SLC9A9: variants seen among roughly 807,000 people sequenced by gnomAD.
SLC9A9 encodes the protein solute carrier family 9 member A9, also known as sodium/hydrogen exchanger 9.
SLC9A9 carries 62 observed loss-of-function variants against 77.8 expected under a neutral mutation model. The observed-to-expected ratio is 0.80, with a 90% CI of 0.65 to 0.98. The LOEUF is 0.98. Ranked by LOEUF, SLC9A9 falls within the 50% of genes least tolerant of loss-of-function variation. SLC9A9 has a pLI of 0.00. For missense variants in SLC9A9, 775 were observed against 774.9 expected, an observed-to-expected ratio of 1.00 and a Z score of 0.00; for synonymous variants, 320 against 283.5, an observed-to-expected ratio of 1.13 and a Z score of -1.29.
intron 14 of SLC9A9, among the ~76,000 whole-genome samples, chr3:143,310,745 C>T (rs1342420190): frequency 6.6e-6 from 1 of 152,088 alleles, no homozygotes. Flanking sequence ...ATGAGAACTG[C>T]CGTAACCAGA....
At chr3:143,493,556 G>C in intron 11 of SLC9A9, 97 bp downstream of exon 11, 1 of 1,070,034 alleles carries the variant, frequency 9.3e-7, no homozygotes, top group Non-Finnish European at 1.4e-6. Flanking sequence ...AAGAGAAGTT[G>C]TTTCCCCAAA....
chr3:143,377,774 G>T (rs1157167184), intron 13 of SLC9A9, among the ~76,000 whole-genome samples: 2 of 152,154 alleles, frequency 1.3e-5, no homozygotes, highest in Non-Finnish European at 2.9e-5. Context: ...ACCATCAAGG[G>T]TGTCTATCAC....
chr3:143,687,564 C>A (rs73007459), intron 5 of SLC9A9, among the ~76,000 whole-genome samples: 16 of 151,930 alleles, frequency 1.1e-4, no homozygotes, highest in Non-Finnish European at 2.1e-4. Flanking sequence ...GAGGTTGGAA[C>A]CTCAGAATAT....
intron 14 of SLC9A9, among the ~76,000 whole-genome samples, chr3:143,286,468 A>G (rs1938384492): frequency 6.6e-6 from 1 of 152,184 alleles, no homozygotes; most frequent in African/African-American, 2.4e-5. Context: ...GAGCTCTTGG[A>G]ATAAATCTGA....
intron 4 of SLC9A9, among the ~76,000 whole-genome samples, chr3:143,777,716 CTTT>C (rs34103558): frequency 8.8e-5 from 12 of 135,940 alleles, no homozygotes; most frequent in South Asian, 2.4e-4. Flanking sequence ...GTCACTGATA[CTTT>C]TTTTTTTTTT....
intron 4 of SLC9A9, among the ~76,000 whole-genome samples, chr3:143,748,458 T>C (rs1487680202): frequency 6.6e-6 from 1 of 152,194 alleles, no homozygotes; most frequent in Non-Finnish European, 1.5e-5. Context: ...GGTTTCCAAC[T>C]ATTAATATTT....
intron 6 of SLC9A9, among the ~76,000 whole-genome samples, chr3:143,594,587 G>C (rs865817963): frequency 9.2e-5 from 14 of 152,272 alleles, no homozygotes; most frequent in Middle Eastern, 6.8e-3. Flanking sequence ...CCCACCCAGA[G>C]AACTGTATGT....
At chr3:143,574,972 C>A (rs1559974974) in intron 7 of SLC9A9, among the ~76,000 whole-genome samples, 1 of 152,062 alleles carries the variant, frequency 6.6e-6, no homozygotes, top group Non-Finnish European at 1.5e-5. Context: ...GAGATGTGAT[C>A]GTGTTGCATT....
At chr3:143,353,015 A>T (rs1387371248) in intron 14 of SLC9A9, among the ~76,000 whole-genome samples, 1 of 152,200 alleles carries the variant, frequency 6.6e-6, no homozygotes, top group Non-Finnish European at 1.5e-5. Flanking sequence ...CAATCTGTGC[A>T]CATGATAATT....
At chr3:143,442,087 T>C (rs531133434) in intron 12 of SLC9A9, among the ~76,000 whole-genome samples, 22 of 152,130 alleles carry the variant, frequency 1.4e-4, no homozygotes, top group Non-Finnish European at 3.1e-4. Flanking sequence ...CCATTCTGGG[T>C]GGTTTGGCCT....
intron 14 of SLC9A9, among the ~76,000 whole-genome samples, chr3:143,291,432 C>T (rs2029965230): frequency 6.6e-6 from 1 of 152,186 alleles, no homozygotes; most frequent in South Asian, 2.1e-4. Flanking sequence ...TGAGTAGGAC[C>T]TGCCCATGAT....
intron 14 of SLC9A9, among the ~76,000 whole-genome samples, chr3:143,280,796 G>A (rs1005848825): frequency 2.0e-4 from 31 of 151,952 alleles, no homozygotes; most frequent in African/African-American, 6.8e-4. Flanking sequence ...CAGGTGACCT[G>A]CCTGCCTTGG....
chr3:143,313,119 T>A (rs1024342031), intron 14 of SLC9A9: 2 of 152,188 alleles, frequency 1.3e-5, no homozygotes, highest in African/African-American at 4.8e-5. Flanking sequence ...TGCCAGGGAC[T>A]CCCACTCATA....
At chr3:143,417,809 G>A (rs145926718) in intron 12 of SLC9A9, among the ~76,000 whole-genome samples, 1,542 of 152,132 alleles carry the variant, frequency 0.01, 25 homozygotes, top group African/African-American at 0.035. Flanking sequence ...AGAAGACTAA[G>A]GCATTCTTCA....
chr3:143,812,607 A>T (rs1344001914), intron 2 of SLC9A9, among the ~76,000 whole-genome samples: 1 of 152,194 alleles, frequency 6.6e-6, no homozygotes, highest in Non-Finnish European at 1.5e-5. Flanking sequence ...GGACCATATG[A>T]CTGAGTTCAG....
chr3:143,345,888 G>A (rs1318552607), intron 14 of SLC9A9, among the ~76,000 whole-genome samples: 3 of 151,954 alleles, frequency 2.0e-5, no homozygotes, highest in Non-Finnish European at 4.4e-5. Context: ...GGTGGAGAAA[G>A]GACAGACATT....
chr3:143,695,752 G>A (rs943358596), intron 4 of SLC9A9, among the ~76,000 whole-genome samples: 4 of 152,052 alleles, frequency 2.6e-5, no homozygotes, highest in East Asian at 1.9e-4. Flanking sequence ...TTGAGGAATC[G>A]CCACCCTGTC....
At chr3:143,434,594 C>T (rs2034587432) in intron 12 of SLC9A9, among the ~76,000 whole-genome samples, 1 of 152,144 alleles carries the variant, frequency 6.6e-6, no homozygotes, top group Admixed American at 6.5e-5. Flanking sequence ...CTTTCCACTC[C>T]TTATTTCTCC....
At chr3:143,649,386 A>G (rs2038760660) in intron 6 of SLC9A9, among the ~76,000 whole-genome samples, 1 of 152,230 alleles carries the variant, frequency 6.6e-6, no homozygotes, top group Non-Finnish European at 1.5e-5. Flanking sequence ...TATGTTAAAT[A>G]AAGTTATTTG....
Sources: allele counts gnomAD v4.1 joint callset (sites outside exome capture counted in the v4.1 genomes callset), GRCh38; gene constraint gnomAD v4.1.1; transcripts MANE v1.5; gene names NCBI Gene and HGNC (gene_info 2026-07-23, HGNC 2026-07-21).